AFF4: variants seen among roughly 807,000 people sequenced by gnomAD.
AFF4 encodes the protein ALF transcription elongation factor 4.
Under a neutral mutation model 124.8 loss-of-function variants are expected in AFF4, and 13 were observed. The ratio of observed to expected loss-of-function variants is 0.10; its 90% CI spans 0.07 to 0.17. AFF4 has a LOEUF of 0.17. Ranked by LOEUF, AFF4 falls within the 10% of genes least tolerant of loss-of-function variation. The pLI is 1.00. For missense variants in AFF4, 1,092 were observed against 1,403.8 expected (o/e 0.78, Z 3.55); for synonymous variants, 477 against 496.1 (o/e 0.96, Z 0.51).
At chr5:132,904,326 A>C (rs771822678) in intron 6 of AFF4, 42 bp downstream of exon 6, 6 of 1,569,674 alleles carry the variant, frequency 3.8e-6, no homozygotes, top group Non-Finnish European at 5.2e-6. Context: ...AATGTTCAAT[A>C]AATAGCTTAA....
At chr5:132,933,005 G>A (rs1167278533) in intron 3 of AFF4, among the ~76,000 whole-genome samples, 1 of 152,116 alleles carries the variant, frequency 6.6e-6, no homozygotes, top group Non-Finnish European at 1.5e-5. Flanking sequence ...TTTACATTAC[G>A]CAGATTCTTC....
At chr5:132,899,210 T>C (rs1760486995) in intron 8 of AFF4, 69 bp from the exon 9 acceptor site, 10 of 1,447,464 alleles carry the variant, frequency 6.9e-6, no homozygotes, top group Non-Finnish European at 9.6e-6. Context: ...GTGTGAATAA[T>C]ATCTGAACTC....
At chr5:132,944,160 A>AC (rs1405106192) in intron 1 of AFF4, 1 of 152,536 alleles carries the variant, frequency 6.6e-6, no homozygotes, top group Non-Finnish European at 1.5e-5. Flanking sequence ...ACACGGTGAA[A>AC]CCCCATCTCT....
chr5:132,906,856 T>C (rs980988403), intron 5 of AFF4, among the ~76,000 whole-genome samples: 1 of 152,042 alleles, frequency 6.6e-6, no homozygotes, highest in Admixed American at 6.5e-5. Context: ...TCCCAATACT[T>C]TGGGAGGCTA....
intron 6 of AFF4, among the ~76,000 whole-genome samples, chr5:132,903,274 G>A (rs1760596085): frequency 6.6e-6 from 1 of 152,096 alleles, no homozygotes; most frequent in African/African-American, 2.4e-5. Context: ...CCTTTAAGGT[G>A]GAACTAAGAA....
chr5:132,910,856 T>C (rs146290560), intron 5 of AFF4, among the ~76,000 whole-genome samples: 168 of 152,364 alleles, frequency 1.1e-3, no homozygotes, highest in African/African-American at 4.0e-3. Context: ...TACAGCGTTC[T>C]ATCTCCAGTG....
intron 6 of AFF4, chr5:132,903,711 T>C (rs1364559595): frequency 1.3e-5 from 2 of 152,332 alleles, no homozygotes; most frequent in African/African-American, 2.4e-5. Flanking sequence ...AAAAGGGCCA[T>C]GGTCAGCTAA....
Position 132,885,138 on chromosome 5 carries a change from GTA to G in AFF4, c.3100-21_3100-20del. 1 of 1,578,944 alleles carries G rather than the reference GTA, an allele frequency of 6.3e-7. No individual in the cohort carries two copies. On this transcript the variant is annotated intron_variant, in intron 18 of 20. Transcript: ENST00000265343. The stretch of plus-strand genomic sequence containing the variant: ...AAGAATTCTGTGGAAAAAGTAAAAT[GTA>G]CTTAACAACAACAAAAACCACCACT...
chr5:132,902,022 G>T (rs150288134), intron 7 of AFF4, among the ~76,000 whole-genome samples: 1 of 152,136 alleles, frequency 6.6e-6, no homozygotes, highest in African/African-American at 2.4e-5. Flanking sequence ...ATAAAAATTT[G>T]CATGCTCATG....
intron 5 of AFF4, among the ~76,000 whole-genome samples, chr5:132,918,000 G>A (rs1225670194): frequency 6.6e-6 from 1 of 151,240 alleles, no homozygotes; most frequent in African/African-American, 2.4e-5. Flanking sequence ...TTACAGGCAT[G>A]AGCCACCGCA....
chr5:132,881,378 G>A (rs963425607), intron 20 of AFF4, among the ~76,000 whole-genome samples, 192 bp from the exon 21 acceptor site: 4 of 152,158 alleles, frequency 2.6e-5, no homozygotes, highest in African/African-American at 9.7e-5. Context: ...CCTAAGTCAT[G>A]CAACATTTTA....
chr5:132,916,514 C>T (rs1256552507), intron 5 of AFF4, among the ~76,000 whole-genome samples: 3 of 152,094 alleles, frequency 2.0e-5, no homozygotes, highest in African/African-American at 7.2e-5. Flanking sequence ...GCTTGTACAT[C>T]TTCCTATCCC....
chr5:132,882,809 G>A (rs1352341537), intron 20 of AFF4, among the ~76,000 whole-genome samples: 2 of 147,716 alleles, frequency 1.4e-5, no homozygotes, highest in Non-Finnish European at 3.0e-5. Flanking sequence ...AGTCGAGATC[G>A]TGCCACTGTG....
In AFF4 at chr5:132,896,793, T is replaced by G. The variant is rs1260249790; in HGVS notation, c.1837A>C (p.Ile613Leu). The change falls in exon 11 of 21, where the codon ATA becomes CTA. Residue 613 changes from isoleucine to leucine, a missense_variant. Ile to Leu is a conservative substitution (Grantham distance 5, BLOSUM62 2). This residue lies in a region of AFF4 where 174 missense variants were observed against 205.9 expected (regional missense o/e 0.84). Coordinates refer to ENST00000265343, the MANE Select transcript of AFF4 (RefSeq NM_014423.4). ...GGGGAAGACTTAGACTCCTTCTTTA[T>G]ATTGGGTTTCCTTGAGCCTTTGGTG... The part of the protein sequence containing the change: ...AATKGSRKPN[I>L]KKESKSSPRP... 3 of 1,614,184 alleles carry G rather than the reference T, an allele frequency of 1.9e-6. No homozygotes were observed. The highest frequency in any genetic ancestry group is 2.5e-6 in the Non-Finnish European group (3 of 1,180,028).
At chr5:132,926,988 A>T in intron 5 of AFF4, 133 bp downstream of exon 5, 1 of 666,704 alleles carries the variant, frequency 1.5e-6, no homozygotes, top group Non-Finnish European at 2.5e-6. Context: ...ATCTGAATTT[A>T]TCTATTTATT....
Position 132,888,106 on chromosome 5 carries a change from T to C in AFF4, c.2787A>G (p.Ala929=). The change falls in exon 15 of 21, where the codon GCA becomes GCG. Residue 929 remains alanine (A), a synonymous_variant. Transcript: ENST00000265343. ...GAGAATATCTACATACCAATGCATC[T>C]GCATTGTGCTTTAGCTTTTTTGCTT... ...LQEAKKLKHN[A]DALSDRFEKA... is the part of the protein sequence containing the mutation. 7 of 1,611,276 alleles carry C rather than the reference T, an allele frequency of 4.3e-6. No individual in the cohort carries two copies. The highest frequency in any genetic ancestry group is 5.9e-6 in the Non-Finnish European group (7 of 1,178,162).
chr5:132,957,290 G>A (rs970485853), intron 1 of AFF4, among the ~76,000 whole-genome samples: 6 of 149,318 alleles, frequency 4.0e-5, no homozygotes, highest in African/African-American at 1.2e-4. Context: ...GCAGTGAGCC[G>A]TGACTGCCCC....
At chr5:132,950,612 G>A (rs963320240) in intron 1 of AFF4, among the ~76,000 whole-genome samples, 1 of 152,108 alleles carries the variant, frequency 6.6e-6, no homozygotes, top group African/African-American at 2.4e-5. Flanking sequence ...TTGCGCCACT[G>A]CACTCCAGCC....
chr5:132,954,609 G>A (rs1362637672), intron 1 of AFF4, among the ~76,000 whole-genome samples: 2 of 147,546 alleles, frequency 1.4e-5, no homozygotes, highest in African/African-American at 5.0e-5. Flanking sequence ...GTGCAGTGGC[G>A]GGATCTCGGC....
Sources: allele counts gnomAD v4.1 joint callset (sites outside exome capture counted in the v4.1 genomes callset), GRCh38; gene constraint gnomAD v4.1.1; regional missense constraint gnomAD v4.1.1; transcripts MANE v1.5; gene names NCBI Gene and HGNC (gene_info 2026-07-23, HGNC 2026-07-21).